Variants in EPB41L2 observed in about 807,000 individuals in gnomAD.
The protein encoded by EPB41L2 is erythrocyte membrane protein band 4.1 like 2, also known as band 4.1-like protein 2.
In EPB41L2, 43 loss-of-function variants were observed where a neutral mutation model predicts 113.0. The ratio of observed to expected loss-of-function variants is 0.38; its 90% confidence interval spans 0.30 to 0.49. The LOEUF is 0.49. Among genes scored for constraint, EPB41L2 ranks in the 20% least tolerant of loss-of-function variants. The pLI, the probability that EPB41L2 is intolerant of heterozygous loss-of-function variation, is 0.95. For synonymous variants in EPB41L2, 442 were observed against 436.7 expected (o/e 1.01, Z -0.15); for missense variants, 1,147 against 1,223.4 (o/e 0.94, Z 0.93).
chr6:130,922,276 T>C (rs768479006), intron 4 of EPB41L2, among the ~76,000 whole-genome samples: 7 of 152,204 alleles, frequency 4.6e-5, no homozygotes, highest in Non-Finnish European at 8.8e-5. Flanking sequence ...ATGACAACTG[T>C]GAAACTCATC....
chr6:130,965,964 A>G (rs1584040166), intron 1 of EPB41L2, among the ~76,000 whole-genome samples: 1 of 152,184 alleles, frequency 6.6e-6, no homozygotes. Context: ...TCCCTGGGCC[A>G]CAATGGAAGA....
intron 1 of EPB41L2, among the ~76,000 whole-genome samples, chr6:131,023,804 G>A (rs911181672): frequency 1.3e-5 from 2 of 149,208 alleles, no homozygotes; most frequent in Non-Finnish European, 3.0e-5. Context: ...TCCCTTTCCT[G>A]AAAAGAACTC....
intron 1 of EPB41L2, among the ~76,000 whole-genome samples, chr6:130,978,349 T>C (rs1778631454): frequency 6.6e-6 from 1 of 152,248 alleles, no homozygotes; most frequent in Non-Finnish European, 1.5e-5. Flanking sequence ...CCTGTCTCAC[T>C]ATCCTCCTTC....
chr6:131,015,522 A>G (rs1245156279), intron 1 of EPB41L2, among the ~76,000 whole-genome samples: 1 of 152,234 alleles, frequency 6.6e-6, no homozygotes, highest in East Asian at 1.9e-4. Context: ...CCCACAGTAG[A>G]AAACTTCAGC....
intron 3 of EPB41L2, among the ~76,000 whole-genome samples, chr6:130,948,777 AAAAT>A (rs1481263247): frequency 6.6e-6 from 1 of 152,136 alleles, no homozygotes; most frequent in Non-Finnish European, 1.5e-5. Context: ...AATATCAAAT[AAAAT>A]AAATTTCAAG....
intron 1 of EPB41L2, among the ~76,000 whole-genome samples, chr6:130,956,931 G>A (rs1817642656): frequency 6.6e-6 from 1 of 152,162 alleles, no homozygotes; most frequent in African/African-American, 2.4e-5. Context: ...AGAAAGCAAT[G>A]AGACACATTT....
Position 130,955,326 on chromosome 6 carries a change from G to A in EPB41L2, c.493-9C>T. On this transcript the variant is annotated splice_polypyrimidine_tract_variant and intron_variant, in intron 2 of 19. Transcript: ENST00000337057. ...CTTACTAATTCAGTAGGCTGTTGAG[G>A]AAAAAAAAATAAATTCATACTATAG... The A allele has an allele frequency of 3.7e-6, 6 of 1,603,234 alleles. No homozygotes were observed. The highest frequency in any genetic ancestry group is 1.3e-5 in the African/African-American group (1 of 74,274).
chr6:130,871,975 G>C (rs1214727812), intron 14 of EPB41L2, among the ~76,000 whole-genome samples: 1 of 152,166 alleles, frequency 6.6e-6, no homozygotes, highest in East Asian at 1.9e-4. Flanking sequence ...AGCATGGGAG[G>C]CACTTCAGAT....
chr6:130,885,686 T>A (rs1002078861), intron 11 of EPB41L2, among the ~76,000 whole-genome samples: 2 of 152,214 alleles, frequency 1.3e-5, no homozygotes, highest in Non-Finnish European at 2.9e-5. Flanking sequence ...ATTATTAAGA[T>A]GATTTGCTCC....
intron 1 of EPB41L2, among the ~76,000 whole-genome samples, chr6:131,009,301 T>A (rs1283652060): frequency 2.0e-5 from 3 of 152,172 alleles, no homozygotes; most frequent in Non-Finnish European, 4.4e-5. Context: ...CCTTCCACCA[T>A]GATTGTAAGC....
At chr6:131,021,118 C>T (rs1789379494) in intron 1 of EPB41L2, among the ~76,000 whole-genome samples, 1 of 152,180 alleles carries the variant, frequency 6.6e-6, no homozygotes, top group Admixed American at 6.5e-5. Flanking sequence ...CTTAAGTTCA[C>T]TCTGACCTCT....
chr6:131,050,998 A>C (rs1796406516), intron 1 of EPB41L2, among the ~76,000 whole-genome samples: 1 of 152,256 alleles, frequency 6.6e-6, no homozygotes, highest in Non-Finnish European at 1.5e-5. Context: ...CTGATACATA[A>C]CAAAAACAAA....
chr6:130,918,342 A>G (rs1319878528), intron 4 of EPB41L2, among the ~76,000 whole-genome samples: 4 of 152,176 alleles, frequency 2.6e-5, no homozygotes, highest in Admixed American at 2.0e-4. Flanking sequence ...CAGCAAAATG[A>G]CGTTATAATG....
At chr6:131,052,603 A>G (rs1417723559) in intron 1 of EPB41L2, among the ~76,000 whole-genome samples, 1 of 152,214 alleles carries the variant, frequency 6.6e-6, no homozygotes, top group East Asian at 1.9e-4. Flanking sequence ...GATAAAACAT[A>G]AAGTTGTAAA....
chr6:131,032,884 C>T (rs1427002008), intron 1 of EPB41L2, among the ~76,000 whole-genome samples: 2 of 152,154 alleles, frequency 1.3e-5, no homozygotes, highest in South Asian at 2.1e-4. Context: ...CGGTGGCTCA[C>T]GCTTGAAATC....
At chr6:131,057,479 T>C (rs1797815399) in intron 1 of EPB41L2, among the ~76,000 whole-genome samples, 1 of 152,174 alleles carries the variant, frequency 6.6e-6, no homozygotes, top group African/African-American at 2.4e-5. Context: ...CATTTTAATT[T>C]TATGTCTTCA....
At chr6:130,869,529 T>C in intron 15 of EPB41L2, 34 bp downstream of exon 15, 1 of 1,591,536 alleles carries the variant, frequency 6.3e-7, no homozygotes, top group East Asian at 2.2e-5. Flanking sequence ...GAAGCAGCTC[T>C]AGAGTTTGGC....
chr6:130,943,014 G>A (rs1811430630), intron 3 of EPB41L2, among the ~76,000 whole-genome samples: 1 of 152,138 alleles, frequency 6.6e-6, no homozygotes, highest in South Asian at 2.1e-4. Context: ...CATTTGGGTT[G>A]GTTCCAAGTC....
intron 1 of EPB41L2, among the ~76,000 whole-genome samples, chr6:131,041,790 T>C (rs974001082): frequency 6.6e-6 from 1 of 152,232 alleles, no homozygotes; most frequent in Non-Finnish European, 1.5e-5. Flanking sequence ...ATTAAGATAC[T>C]GTGTTCAAGA....
Sources: allele counts gnomAD v4.1 joint callset (sites outside exome capture counted in the v4.1 genomes callset), GRCh38; gene constraint gnomAD v4.1.1; transcripts MANE v1.5; gene names NCBI Gene and HGNC (gene_info 2026-07-23, HGNC 2026-07-21).